CHSY3: variants seen among roughly 807,000 people sequenced by gnomAD.
CHSY3 encodes chondroitin sulfate synthase 3, also known as N-acetylgalactosaminyl-proteoglycan 3-beta-glucuronosyltransferase 3.
In CHSY3, 35 loss-of-function variants were observed where a neutral mutation model predicts 67.2. The observed-to-expected ratio is 0.52, with a 90% CI of 0.40 to 0.69. The LOEUF is 0.69. Among genes scored for constraint, CHSY3 ranks in the 30% least tolerant of loss-of-function variants. CHSY3 has a pLI of 0.00. For synonymous variants in CHSY3, 474 were observed against 434.7 expected, an observed-to-expected ratio of 1.09 and a Z score of -1.12; for missense variants, 1,069 against 1,138.5, an observed-to-expected ratio of 0.94 and a Z score of 0.88.
Position 130,106,401 on chromosome 5 carries a change from G to C in CHSY3, c.1087-77828G>C, listed in dbSNP as rs183101627. Among the ~76,000 whole-genome samples, 120 of 151,718 alleles carry C rather than the reference G, an allele frequency of 7.9e-4. 1 individual carries two copies. The highest frequency in any genetic ancestry group is 7.8e-3 in the Admixed American group (119 of 15,196). On this transcript the variant is annotated intron_variant, in intron 2 of 2. Transcript: ENST00000305031. ...GTACAGGAGAAGAAAACACACTCAT[G>C]GGCAAACCAGTTATGTAAAACACCT...
chr5:130,141,946 A>G (rs376676209), intron 2 of CHSY3: 13 of 211,264 alleles, frequency 6.2e-5, no homozygotes, highest in African/African-American at 3.0e-4. Context: ...GAAGAGGCTG[A>G]CTAAGTCAGC....
intron 2 of CHSY3, among the ~76,000 whole-genome samples, chr5:129,909,427 T>G (rs1479146202): frequency 6.6e-6 from 1 of 152,098 alleles, no homozygotes. Flanking sequence ...ATTTGTTTTT[T>G]TTGTATTGTA....
At chr5:130,031,657 A>C (rs1168842308) in intron 2 of CHSY3, among the ~76,000 whole-genome samples, 1 of 152,166 alleles carries the variant, frequency 6.6e-6, no homozygotes, top group Non-Finnish European at 1.5e-5. Context: ...TACAATGTAC[A>C]TTGTTCCATG....
intron 2 of CHSY3, among the ~76,000 whole-genome samples, chr5:130,052,527 T>G (rs557601058): frequency 8.5e-5 from 13 of 152,154 alleles, no homozygotes; most frequent in African/African-American, 3.1e-4. Context: ...CAATAACAAT[T>G]TTTTTTTATT....
At chr5:129,986,659 T>C (rs1052732436) in intron 2 of CHSY3, among the ~76,000 whole-genome samples, 3 of 152,154 alleles carry the variant, frequency 2.0e-5, no homozygotes, top group African/African-American at 7.2e-5. Flanking sequence ...TATTTATTTA[T>C]TGAGACAGGG....
chr5:130,184,867 C>T lies in CHSY3; in HGVS notation c.1725C>T (p.Thr575=), dbSNP rs201071616. The T allele has an allele frequency of 6.8e-5, 108 of 1,590,942 alleles. No homozygotes were observed. Among genetic ancestry groups the T allele is most frequent in the Non-Finnish European group, 5.0e-5 (58 of 1,159,062 alleles). ...TCAGCAAGCCTTTCTTCAGAGAGAC[C>T]GAAGAGCTAGATGTCAACAGTCTTG... ...QLFSKPFFRE[T]EELDVNSLVE... is the part of the protein sequence containing the mutation. The change falls in exon 3 of 3, where the codon ACC becomes ACT. Residue 575 remains threonine (T), a synonymous_variant. Coordinates refer to ENST00000305031, the MANE Select transcript of CHSY3 (RefSeq NM_175856.5).
chr5:130,044,769 G>C (rs191838999), intron 2 of CHSY3, among the ~76,000 whole-genome samples: 4 of 152,054 alleles, frequency 2.6e-5, no homozygotes, highest in Admixed American at 2.6e-4. Context: ...GTCAAGTAAC[G>C]TAAGAAAAGC....
intron 2 of CHSY3, among the ~76,000 whole-genome samples, chr5:130,119,140 G>A (rs1012620004): frequency 1.3e-5 from 2 of 152,152 alleles, no homozygotes; most frequent in African/African-American, 4.8e-5. Flanking sequence ...CATTGTACAG[G>A]TAGGGGAACT....
chr5:129,945,185 C>G (rs1459461391), intron 2 of CHSY3, among the ~76,000 whole-genome samples: 2 of 152,204 alleles, frequency 1.3e-5, no homozygotes, highest in Non-Finnish European at 2.9e-5. Context: ...ATTCTGAAGG[C>G]TTTTGTAATC....
intron 2 of CHSY3, among the ~76,000 whole-genome samples, chr5:130,039,901 T>C (rs1320759168): frequency 1.3e-5 from 2 of 152,128 alleles, no homozygotes; most frequent in African/African-American, 2.4e-5. Context: ...CTTATTTCTT[T>C]ATAGTATTTG....
intron 2 of CHSY3, among the ~76,000 whole-genome samples, chr5:130,041,598 A>C (rs951375955): frequency 2.0e-5 from 3 of 152,102 alleles, no homozygotes; most frequent in African/African-American, 7.2e-5. Context: ...AGGGTATCCC[A>C]ATTGTGTAAA....
chr5:130,019,850 T>C (rs1764316676), intron 2 of CHSY3, among the ~76,000 whole-genome samples: 1 of 152,212 alleles, frequency 6.6e-6, no homozygotes, highest in African/African-American at 2.4e-5. Flanking sequence ...GGTTTAGCAA[T>C]CATATTGTTT....
intron 2 of CHSY3, among the ~76,000 whole-genome samples, chr5:130,046,946 T>C (rs1765171813): frequency 6.6e-6 from 1 of 151,694 alleles, no homozygotes; most frequent in South Asian, 2.1e-4. Context: ...TTAATATAAA[T>C]TGTTAAAATA....
At chr5:130,015,066 T>G (rs1764177528) in intron 2 of CHSY3, among the ~76,000 whole-genome samples, 1 of 152,180 alleles carries the variant, frequency 6.6e-6, no homozygotes, top group African/African-American at 2.4e-5. Flanking sequence ...AGGAACCTGG[T>G]AGGAGGTGAT....
At chr5:130,038,725 T>A (rs1764926710) in intron 2 of CHSY3, among the ~76,000 whole-genome samples, 1 of 152,142 alleles carries the variant, frequency 6.6e-6, no homozygotes, top group South Asian at 2.1e-4. Context: ...CAGAAGACAA[T>A]TAACTTCCTC....
At chr5:130,038,668 T>C (rs912163527) in intron 2 of CHSY3, among the ~76,000 whole-genome samples, 9 of 152,160 alleles carry the variant, frequency 5.9e-5, no homozygotes, top group African/African-American at 1.9e-4. Flanking sequence ...ATTTCAGTCT[T>C]TTATTACTTT....
intron 2 of CHSY3, among the ~76,000 whole-genome samples, chr5:129,951,752 A>G (rs1378088679): frequency 2.0e-5 from 3 of 152,202 alleles, no homozygotes; most frequent in Non-Finnish European, 4.4e-5. Context: ...ATCTATGTAG[A>G]TACTTGGCTT....
chr5:130,106,930 CTCAGT>C (rs1561539621), intron 2 of CHSY3, among the ~76,000 whole-genome samples: 1 of 151,440 alleles, frequency 6.6e-6, no homozygotes, highest in East Asian at 1.9e-4. Flanking sequence ...GCTGCACAGT[CTCAGT>C]TACCTTTTTG....
intron 2 of CHSY3, among the ~76,000 whole-genome samples, chr5:130,047,835 A>G (rs1322511129): frequency 6.6e-6 from 1 of 152,054 alleles, no homozygotes; most frequent in Non-Finnish European, 1.5e-5. Flanking sequence ...TGTTTTAACG[A>G]ATTTTGTTAA....
Sources: gnomAD v4.1 joint callset for allele counts (sites outside exome capture counted in the v4.1 genomes callset) on GRCh38, gnomAD v4.1.1 for gene constraint, MANE v1.5 for transcripts, NCBI Gene and HGNC (gene_info 2026-07-23, HGNC 2026-07-21) for gene names.